Variants in PBRM1 observed in about 807,000 individuals in gnomAD.
PBRM1 encodes polybromo 1.
PBRM1 carries 27 observed loss-of-function variants against 194.5 expected under a neutral mutation model. The observed-to-expected ratio is 0.14, with a 90% confidence interval of 0.10 to 0.19. The LOEUF is 0.19. Among genes scored for constraint, PBRM1 ranks in the 10% least tolerant of loss-of-function variants. The pLI is 1.00. For synonymous variants in PBRM1, 655 were observed against 693.2 expected, an observed-to-expected ratio of 0.94 and a Z score of 0.87; for missense variants, 1,466 against 2,077.2, an observed-to-expected ratio of 0.71 and a Z score of 5.72.
At chr3:52,643,170 A>T in intron 9 of PBRM1, 78 bp downstream of exon 10, 1 of 987,718 alleles carries the variant, frequency 1.0e-6, no homozygotes, top group Non-Finnish European at 1.6e-6. Flanking sequence ...TTCCTTCAAG[A>T]TAGCCATTGG....
At chr3:52,608,644 T>A (rs1003556736) in intron 16 of PBRM1, among the ~76,000 whole-genome samples, 2 of 151,450 alleles carry the variant, frequency 1.3e-5, no homozygotes, top group African/African-American at 2.4e-5. Flanking sequence ...TTTTTTTTTT[T>A]ATATTTTTCC....
intron 22 of PBRM1, among the ~76,000 whole-genome samples, chr3:52,570,843 G>A (rs568792034): frequency 1.7e-4 from 25 of 150,056 alleles, no homozygotes; most frequent in African/African-American, 4.6e-4. Context: ...GTGTGTGTGC[G>A]CACATGTGTG....
chr3:52,575,404 CAAG>C (rs2089182331), intron 22 of PBRM1, among the ~76,000 whole-genome samples: 1 of 150,608 alleles, frequency 6.6e-6, no homozygotes, highest in African/African-American at 2.4e-5. Flanking sequence ...TGCAAAGAAA[CAAG>C]AAGGCACAGC....
upstream of PBRM1, among the ~76,000 whole-genome samples, chr3:52,680,702 G>C (rs774178875): frequency 1.3e-5 from 2 of 151,964 alleles, no homozygotes; most frequent in South Asian, 2.1e-4. Context: ...TCTGTCACCA[G>C]GCTGGAGTAC....
At chr3:52,554,105 T>C (rs2081687232) in intron 27 of PBRM1, among the ~76,000 whole-genome samples, 2 of 152,238 alleles carry the variant, frequency 1.3e-5, no homozygotes, top group African/African-American at 4.8e-5. Flanking sequence ...TGGCATGTCA[T>C]GCTTCTTAGG....
At chr3:52,619,748 C>T (rs2095178106) in intron 13 of PBRM1, among the ~76,000 whole-genome samples, 1 of 152,216 alleles carries the variant, frequency 6.6e-6, no homozygotes, top group South Asian at 2.1e-4. Context: ...GTTCAAAATA[C>T]ACTTTTTTAA....
intron 21 of PBRM1, among the ~76,000 whole-genome samples, chr3:52,578,027 C>T (rs1174956749): frequency 6.6e-6 from 1 of 152,146 alleles, no homozygotes; most frequent in East Asian, 1.9e-4. Context: ...AACAAACAGG[C>T]CTGGCATGTT....
intron 17 of PBRM1, among the ~76,000 whole-genome samples, chr3:52,599,245 G>A (rs1341104241): frequency 1.3e-5 from 2 of 152,028 alleles, no homozygotes; most frequent in Non-Finnish European, 2.9e-5. Flanking sequence ...CGATAACATG[G>A]ATACAACGTA....
At chr3:52,635,207 G>A (rs995636772) in intron 10 of PBRM1, among the ~76,000 whole-genome samples, 1 of 152,058 alleles carries the variant, frequency 6.6e-6, no homozygotes, top group Admixed American at 6.6e-5. Flanking sequence ...GATTACAGGT[G>A]TGAGCCACCA....
rs959805396 is a variant in PBRM1, at chr3:52,578,122, T to G, written c.3533+932A>C. Among the ~76,000 whole-genome samples the G allele has an allele frequency of 3.3e-5, 5 of 152,318 alleles. No individual in the cohort carries two copies. In the East Asian group the frequency reaches 9.6e-4, roughly 29 times the overall value. ...TCACATTATTCACTTTCTCAGTTTC[T>G]TCAAGTGTTGGTTCAGCTGCCGACT... On this transcript the variant is annotated intron_variant, in intron 21 of 29. Coordinates refer to ENST00000296302, the Ensembl canonical transcript of PBRM1.
chr3:52,670,438 G>A (rs1323772425), intron 2 of PBRM1, among the ~76,000 whole-genome samples: 1 of 152,128 alleles, frequency 6.6e-6, no homozygotes, highest in Admixed American at 6.5e-5. Flanking sequence ...CATTCTTCCA[G>A]ACTTCTCTAT....
chr3:52,666,064 GT>G (rs1384235227), intron 3 of PBRM1, among the ~76,000 whole-genome samples: 2 of 151,968 alleles, frequency 1.3e-5, no homozygotes, highest in Non-Finnish European at 2.9e-5. Flanking sequence ...GAGGAAAAAA[GT>G]TTTGAAAAAA....
intron 15 of PBRM1, among the ~76,000 whole-genome samples, chr3:52,611,345 C>A (rs761643397): frequency 6.6e-6 from 1 of 152,286 alleles, no homozygotes; most frequent in African/African-American, 2.4e-5. Flanking sequence ...TAACAGAAAG[C>A]CATAAATAGA....
intron 22 of PBRM1, among the ~76,000 whole-genome samples, chr3:52,565,809 G>A (rs1194817711): frequency 6.6e-6 from 1 of 152,084 alleles, no homozygotes; most frequent in African/African-American, 2.4e-5. Context: ...CCAGCACTTT[G>A]GGAGGCCGAG....
chr3:52,652,363 G>A (rs1187809540), intron 5 of PBRM1, among the ~76,000 whole-genome samples: 1 of 146,424 alleles, frequency 6.8e-6, no homozygotes, highest in Admixed American at 7.0e-5. Context: ...CAGCCTGGGG[G>A]ACAAGAAAGA....
chr3:52,644,915 C>A (rs750761728), intron 7 of PBRM1, 126 bp from the exon 9 acceptor site: 93 of 488,572 alleles, frequency 1.9e-4, no homozygotes, highest in Non-Finnish European at 3.0e-4. Context: ...CATTCAATAC[C>A]CACAAAGCTG....
chr3:52,626,675 C>T (rs757089413), intron 13 of PBRM1, among the ~76,000 whole-genome samples: 7 of 151,998 alleles, frequency 4.6e-5, no homozygotes, highest in Admixed American at 2.6e-4. Flanking sequence ...GTAAGATCCC[C>T]TTCCACAAAA....
At chr3:52,650,760 G>A (rs1425683322) in intron 6 of PBRM1, among the ~76,000 whole-genome samples, 1 of 152,150 alleles carries the variant, frequency 6.6e-6, no homozygotes, top group African/African-American at 2.4e-5. Context: ...AGAGGAAGCA[G>A]GCAAATCACC....
chr3:52,600,183 CTT>C, intron 17 of PBRM1, among the ~76,000 whole-genome samples: 1 of 152,232 alleles, frequency 6.6e-6, no homozygotes, highest in East Asian at 1.9e-4. Flanking sequence ...ATTTGGGGAT[CTT>C]TGACTCCTCT....
Sources: allele counts gnomAD v4.1 joint callset (sites outside exome capture counted in the v4.1 genomes callset), GRCh38; gene constraint gnomAD v4.1.1; transcripts MANE v1.5; gene names NCBI Gene and HGNC (gene_info 2026-07-23, HGNC 2026-07-21).